SUMF1: variants seen among roughly 807,000 people sequenced by gnomAD.
SUMF1 encodes the protein formylglycine-generating enzyme.
Under a neutral mutation model 47.6 loss-of-function variants are expected in SUMF1, and 48 were observed. The observed-to-expected ratio is 1.01, with a 90% CI of 0.80 to 1.28. The LOEUF (loss-of-function observed/expected upper bound fraction) is 1.28. Ranked by LOEUF, SUMF1 falls within the 50% of genes most tolerant of loss-of-function variation. The probability of loss-of-function intolerance (pLI) is 0.00; values close to 1 mark genes in which losing one functional copy is unlikely to be tolerated. For missense variants in SUMF1, 571 were observed against 485.4 expected (o/e 1.18, Z -1.66); for synonymous variants, 230 against 192.1 (o/e 1.20, Z -1.63).
chr3:4,266,163 T>A (rs1224208264), intron 8 of SUMF1, among the ~76,000 whole-genome samples: 15 of 152,196 alleles, frequency 9.9e-5, no homozygotes, highest in Admixed American at 9.8e-4. Context: ...TCAGGTAGCG[T>A]GATGCCTCCA....
chr3:4,119,651 T>C (rs10510290), intron 8 of SUMF1, among the ~76,000 whole-genome samples: 12,535 of 152,148 alleles, frequency 0.082, 687 homozygotes, highest in South Asian at 0.22. Flanking sequence ...TGTGTTGTTA[T>C]CTCCTGCAGC....
intron 8 of SUMF1, among the ~76,000 whole-genome samples, chr3:4,097,126 A>G (rs532034640): frequency 3.9e-5 from 6 of 152,268 alleles, no homozygotes; most frequent in Middle Eastern, 6.8e-3. Context: ...TTCATGAAAA[A>G]ATGGTATCTA....
At chr3:4,211,983 G>A (rs967500474) in intron 8 of SUMF1, among the ~76,000 whole-genome samples, 6 of 152,208 alleles carry the variant, frequency 3.9e-5, no homozygotes, top group Non-Finnish European at 7.3e-5. Context: ...ACCTGGGGAA[G>A]GGGTGGCTGT....
chr3:4,358,149 C>T (rs935376384), downstream of SUMF1, among the ~76,000 whole-genome samples: 2 of 152,044 alleles, frequency 1.3e-5, no homozygotes, highest in African/African-American at 2.4e-5. Context: ...CGTATTTCCC[C>T]CAGCCCCTGC....
intron 8 of SUMF1, among the ~76,000 whole-genome samples, chr3:4,320,067 A>T (rs1035504851): frequency 1.3e-5 from 2 of 152,206 alleles, no homozygotes; most frequent in Admixed American, 1.3e-4. Flanking sequence ...TGATACTGTG[A>T]TGGTGTATAC....
intron 8 of SUMF1, among the ~76,000 whole-genome samples, chr3:4,354,725 GGC>G (rs1699580691): frequency 6.6e-6 from 1 of 151,966 alleles, no homozygotes; most frequent in South Asian, 2.1e-4. Context: ...TCTTCTCTGT[GGC>G]TGTAACTCCA....
downstream of SUMF1, among the ~76,000 whole-genome samples, chr3:4,359,630 G>A (rs1699698050): frequency 6.6e-6 from 1 of 152,170 alleles, no homozygotes; most frequent in Non-Finnish European, 1.5e-5. Context: ...TTCACAGGGT[G>A]GCAGGAGAGA....
chr3:4,374,615 T>C (rs536035080), intron 8 of SUMF1, among the ~76,000 whole-genome samples: 111 of 152,298 alleles, frequency 7.3e-4, no homozygotes, highest in African/African-American at 2.5e-3. Flanking sequence ...AGAAAGTAAA[T>C]GGATTCTGAA....
chr3:4,405,149 T>C (rs1226733341), intron 7 of SUMF1, among the ~76,000 whole-genome samples: 1 of 152,024 alleles, frequency 6.6e-6, no homozygotes, highest in African/African-American at 2.4e-5. Flanking sequence ...CTACTGTGAG[T>C]CCATGCCCTA....
intron 7 of SUMF1, among the ~76,000 whole-genome samples, chr3:4,400,633 T>C (rs1482504324): frequency 6.6e-6 from 1 of 152,258 alleles, no homozygotes; most frequent in Non-Finnish European, 1.5e-5. Flanking sequence ...TGCTCTCATT[T>C]ACCAAGTGCT....
At chr3:4,157,913 T>C (rs555402005) in intron 8 of SUMF1, among the ~76,000 whole-genome samples, 1 of 151,440 alleles carries the variant, frequency 6.6e-6, no homozygotes, top group Admixed American at 6.5e-5. Context: ...ATATATCCCA[T>C]ATTGTACTTT....
At chr3:4,235,953 A>G (rs1696398217) in intron 8 of SUMF1, among the ~76,000 whole-genome samples, 1 of 151,802 alleles carries the variant, frequency 6.6e-6, no homozygotes, top group Non-Finnish European at 1.5e-5. Context: ...GTGTACAATA[A>G]TTTTTTTGAG....
intron 1 of SUMF1, among the ~76,000 whole-genome samples, chr3:4,455,266 C>A (rs1271175881): frequency 6.6e-6 from 1 of 152,010 alleles, no homozygotes; most frequent in Non-Finnish European, 1.5e-5. Context: ...TAAAACGGAT[C>A]ATAAGAAACT....
At chr3:4,188,827 A>G (rs142759110) in intron 8 of SUMF1, among the ~76,000 whole-genome samples, 2,920 of 152,310 alleles carry the variant, frequency 0.019, 52 homozygotes, top group Middle Eastern at 0.031. Flanking sequence ...AGTGCCTTGT[A>G]CATGGTATCC....
At chr3:4,395,613 C>T (rs794186) in intron 7 of SUMF1, among the ~76,000 whole-genome samples, 36,180 of 152,122 alleles carry the variant, frequency 0.24, 5,664 homozygotes, top group Non-Finnish European at 0.34. Flanking sequence ...TCTGTAAAAC[C>T]AGCATGCCAT....
At chr3:4,341,122 A>C (rs1189315098) in intron 8 of SUMF1, among the ~76,000 whole-genome samples, 1 of 152,146 alleles carries the variant, frequency 6.6e-6, no homozygotes, top group African/African-American at 2.4e-5. Context: ...TGTATCCCCC[A>C]AAAAGTAACA....
chr3:4,038,357 C>T (rs1475281046), intron 9 of SUMF1, among the ~76,000 whole-genome samples: 1 of 152,088 alleles, frequency 6.6e-6, no homozygotes, highest in East Asian at 1.9e-4. Flanking sequence ...AAGGACTGGC[C>T]TCCTCCCCAT....
intron 8 of SUMF1, among the ~76,000 whole-genome samples, chr3:4,370,459 G>A (rs1559252667): frequency 6.6e-6 from 1 of 152,098 alleles, no homozygotes; most frequent in Non-Finnish European, 1.5e-5. Flanking sequence ...TTTGTTGAAT[G>A]GCATATTTCT....
chr3:4,241,850 G>A (rs759204873), intron 8 of SUMF1, among the ~76,000 whole-genome samples: 17 of 152,150 alleles, frequency 1.1e-4, no homozygotes, highest in Non-Finnish European at 1.8e-4. Context: ...CAGGCTTGAG[G>A]AGGCAGTGTC....
Sources: gnomAD v4.1 joint callset for allele counts (sites outside exome capture counted in the v4.1 genomes callset) on GRCh38, gnomAD v4.1.1 for gene constraint, MANE v1.5 for transcripts, NCBI Gene and HGNC (gene_info 2026-07-23, HGNC 2026-07-21) for gene names.